The following BTD variants were observed in gnomAD, a reference collection of about 807,000 sequenced individuals.
The protein encoded by BTD is biotinidase, also known as biocytinase.
BTD carries 13 observed loss-of-function variants against 17.7 expected under a neutral mutation model. That is an observed-to-expected ratio of 0.74 (90% confidence interval 0.48 to 1.17). The LOEUF (loss-of-function observed/expected upper bound fraction) is 1.17, where lower values mean the gene tolerates loss of function less well. BTD is among the 50% of genes most tolerant of loss of function. The probability of loss-of-function intolerance (pLI) is 0.00; values close to 1 mark genes in which losing one functional copy is unlikely to be tolerated. For synonymous variants in BTD, 240 were observed against 245.2 expected, an observed-to-expected ratio of 0.98 and a Z score of 0.20; for missense variants, 674 against 650.4, an observed-to-expected ratio of 1.04 and a Z score of -0.39.
intron 3 of BTD, chr3:15,709,617 C>G: frequency 7.8e-7 from 1 of 1,285,732 alleles, no homozygotes; most frequent in South Asian, 1.4e-5. Context: ...GAAGGTCAAT[C>G]AAGTTATTAA....
rs535017750 is a variant in BTD at position 15,693,243 on chromosome 3, C to T, written c.400-16817C>T. ...ACAATTAGAAATGGTTAAGAAGGTA[C>T]GTTTTATGCTATGTTTTCTTTTTTC... On this transcript the variant is annotated intron_variant, in intron 3 of 3. Transcript: ENST00000672141. Among the ~76,000 whole-genome samples the T allele has an allele frequency of 1.8e-4, 28 of 151,930 alleles. No homozygotes were observed. In the South Asian group the frequency reaches 3.5e-3, roughly 19 times the overall value.
intron 1 of BTD, 120 bp downstream of exon 1, chr3:15,602,014 A>C: frequency 6.6e-7 from 1 of 1,514,412 alleles, no homozygotes; most frequent in Non-Finnish European, 8.9e-7. Flanking sequence ...GGAGCTGGGA[A>C]GCCCGGCGCG....
At chr3:15,628,270 C>CT (rs749844917) in intron 1 of BTD, among the ~76,000 whole-genome samples, 1 of 152,250 alleles carries the variant, frequency 6.6e-6, no homozygotes, top group South Asian at 2.1e-4. Flanking sequence ...TTGTATCCAT[C>CT]ATACAGTTAT....
chr3:15,638,772 C>T (rs986924187), intron 2 of BTD, among the ~76,000 whole-genome samples: 4 of 152,206 alleles, frequency 2.6e-5, no homozygotes, highest in Non-Finnish European at 5.9e-5. Context: ...CTACTATGCG[C>T]CTAGGCTATA....
intron 3 of BTD, among the ~76,000 whole-genome samples, chr3:15,658,765 A>G (rs1197827885): frequency 2.6e-5 from 4 of 152,212 alleles, no homozygotes; most frequent in Non-Finnish European, 5.9e-5. Context: ...TTCCTCTAGA[A>G]TAGCTTATTG....
intron 3 of BTD, among the ~76,000 whole-genome samples, chr3:15,700,702 A>T (rs1308408170): frequency 6.6e-6 from 1 of 152,170 alleles, no homozygotes; most frequent in Non-Finnish European, 1.5e-5. Flanking sequence ...TGAACTCAGG[A>T]GGCGGAGGTT....
intron 3 of BTD, among the ~76,000 whole-genome samples, chr3:15,687,807 C>T (rs765309075): frequency 6.6e-6 from 1 of 152,120 alleles, no homozygotes; most frequent in Non-Finnish European, 1.5e-5. Flanking sequence ...ACTTGTTTGG[C>T]CCATCATTTT....
chr3:15,649,529 A>C lies in BTD; in HGVS notation c.*4041A>C, dbSNP rs931744562. ...CCAACAGTTGCTGTTCCTCAGGCCA[A>C]AGTTCACATTCTGCACAGCCTCAGC... On this transcript the variant is annotated 3_prime_UTR_variant, in exon 4 of 4. Coordinates refer to ENST00000643237, the MANE Select transcript of BTD (RefSeq NM_001370658.1). 2.0e-5 allele frequency among the ~76,000 whole-genome samples: 3 copies of C among 152,130 alleles called. No individual in the cohort carries two copies. The highest frequency in any genetic ancestry group is 7.2e-5 in the African/African-American group (3 of 41,422).
At chr3:15,721,243 A>C (rs780493686) in intron 4 of BTD, 6 of 821,170 alleles carry the variant, frequency 7.3e-6, no homozygotes, top group Non-Finnish European at 9.9e-6. Context: ...AACGGAGACA[A>C]GATAAGTACA....
chr3:15,627,777 A>C (rs775098398), intron 1 of BTD, among the ~76,000 whole-genome samples: 1 of 152,184 alleles, frequency 6.6e-6, no homozygotes, highest in Non-Finnish European at 1.5e-5. Flanking sequence ...GCTGGAGTGC[A>C]ATGGCACGAT....
At chr3:15,634,422 C>T (rs751205616) in intron 1 of BTD, among the ~76,000 whole-genome samples, 9 of 152,284 alleles carry the variant, frequency 5.9e-5, no homozygotes, top group Admixed American at 4.6e-4. Flanking sequence ...CCTGAGAGGA[C>T]GCTTTAGCTG....
At chr3:15,607,815 A>G (rs755952264) in intron 1 of BTD, among the ~76,000 whole-genome samples, 6 of 152,222 alleles carry the variant, frequency 3.9e-5, no homozygotes, top group Admixed American at 3.3e-4. Context: ...GTAGAACACT[A>G]TTTTTTATAG....
chr3:15,663,378 A>G (rs185036867), intron 3 of BTD, among the ~76,000 whole-genome samples: 3 of 152,312 alleles, frequency 2.0e-5, no homozygotes, highest in Admixed American at 2.0e-4. Context: ...TTCTGCTTCT[A>G]TCTCTGGAAA....
chr3:15,642,290 A>T, intron 3 of BTD: 1 of 1,416,178 alleles, frequency 7.1e-7, no homozygotes, highest in Non-Finnish European at 9.2e-7. Flanking sequence ...CACAATAAAT[A>T]CAGGAATGTA....
chr3:15,693,219 C>T (rs752793397), intron 3 of BTD, among the ~76,000 whole-genome samples: 3 of 151,926 alleles, frequency 2.0e-5, no homozygotes, highest in African/African-American at 4.8e-5. Flanking sequence ...CTGAACTGTA[C>T]AATTAGAAAT....
chr3:15,678,159 T>C, intron 3 of BTD: 1 of 1,525,552 alleles, frequency 6.6e-7, no homozygotes. Flanking sequence ...AAGTTATACA[T>C]AAGTGATACA....
downstream of BTD, chr3:15,714,630 G>A: frequency 6.3e-7 from 1 of 1,598,586 alleles, no homozygotes. Flanking sequence ...GAGCAGTCAT[G>A]TGTAGTGGGG....
Position 15,644,666 on chromosome 3 carries a change from T to A in BTD, c.750T>A (p.Thr250=), listed in dbSNP as rs529069219. The A allele has an allele frequency of 6.2e-7, 1 of 1,614,200 alleles. No homozygotes were observed. Among genetic ancestry groups the A allele is most frequent in the East Asian group, 2.2e-5 (1 of 44,892 alleles). Residue 250 remains threonine, a synonymous_variant, in exon 4 of 4, where the codon ACT becomes ACA. Coordinates refer to ENST00000643237, the MANE Select transcript of BTD (RefSeq NM_001370658.1). ...AGGTGAAGCATGTTGTGTACCCAACTGCCTGGATGAACCAGCTCCCACTCT... is the reference window on the plus strand; with the variant it reads ...AGGTGAAGCATGTTGTGTACCCAACAGCCTGGATGAACCAGCTCCCACTCT... ...DYKVKHVVYP[T]AWMNQLPLLA...
At chr3:15,636,325 A>G (rs945028660) in intron 2 of BTD, among the ~76,000 whole-genome samples, 1 of 152,190 alleles carries the variant, frequency 6.6e-6, no homozygotes, top group African/African-American at 2.4e-5. Context: ...CTTCGCCCAG[A>G]TAGAACTGAC....
Sources: gnomAD v4.1 joint callset for allele counts (sites outside exome capture counted in the v4.1 genomes callset) on GRCh38, gnomAD v4.1.1 for gene constraint, MANE v1.5 for transcripts, NCBI Gene and HGNC (gene_info 2026-07-23, HGNC 2026-07-21) for gene names.